Variants in CERKL observed in about 807,000 individuals in gnomAD.
CERKL encodes the protein ceramide kinase-like protein.
CERKL carries 61 observed loss-of-function variants against 63.4 expected under a neutral mutation model. That is an observed-to-expected ratio of 0.96 (90% CI 0.78 to 1.19). The LOEUF (loss-of-function observed/expected upper bound fraction) is 1.19. Among genes scored for constraint, CERKL ranks in the 50% most tolerant of loss-of-function variants. The pLI, the probability that CERKL is intolerant of heterozygous loss-of-function variation, is 0.00. For missense variants in CERKL, 675 were observed against 655.5 expected, an observed-to-expected ratio of 1.03 and a Z score of -0.33; for synonymous variants, 250 against 230.5, an observed-to-expected ratio of 1.08 and a Z score of -0.77.
intron 1 of CERKL, chr2:181,617,331 G>C (rs1484272874): frequency 6.6e-6 from 1 of 152,196 alleles, no homozygotes; most frequent in Non-Finnish European, 1.5e-5. Context: ...AGCTGAACTA[G>C]CTGTTTTTCA....
At chr2:181,634,213 C>T (rs746129269) in intron 1 of CERKL, among the ~76,000 whole-genome samples, 5 of 151,970 alleles carry the variant, frequency 3.3e-5, no homozygotes, top group Admixed American at 1.3e-4. Context: ...TGTAGATTCA[C>T]GTTAAAAAGT....
At chr2:181,653,683 T>A (rs1455062084) in intron 1 of CERKL, among the ~76,000 whole-genome samples, 1 of 152,196 alleles carries the variant, frequency 6.6e-6, no homozygotes, top group Non-Finnish European at 1.5e-5. Context: ...ACATGTAGAA[T>A]CTTTTTCTAT....
At chr2:181,552,791 A>C (rs1056580996) in intron 5 of CERKL, among the ~76,000 whole-genome samples, 1 of 152,200 alleles carries the variant, frequency 6.6e-6, no homozygotes, top group African/African-American at 2.4e-5. Context: ...GTACACAATA[A>C]ATACATACAA....
chr2:181,656,164 C>T (rs191879729), intron 1 of CERKL, among the ~76,000 whole-genome samples: 307 of 152,056 alleles, frequency 2.0e-3, no homozygotes, highest in African/African-American at 7.1e-3. Flanking sequence ...AATCTAGGGT[C>T]AATATTAAAA....
intron 2 of CERKL, among the ~76,000 whole-genome samples, chr2:181,581,371 C>A (rs1684503497): frequency 6.6e-6 from 1 of 152,154 alleles, no homozygotes; most frequent in Non-Finnish European, 1.5e-5. Flanking sequence ...CTTCTTGATT[C>A]ATAGACCCCT....
chr2:181,631,620 T>A (rs1686962132), intron 1 of CERKL, among the ~76,000 whole-genome samples: 1 of 152,126 alleles, frequency 6.6e-6, no homozygotes, highest in African/African-American at 2.4e-5. Flanking sequence ...ATGCTCTCAT[T>A]TAAAGGGTTT....
At position 181,565,495 on chromosome 2, in the gene CERKL, T is replaced by C. The variant is rs934662894; in HGVS notation, c.677+563A>G. ...GTACACTCCAATGTATTGCGAACAATGGTTTCCGATGCCCACTGTGAATAA... is the reference window on the plus strand; with the variant it reads ...GTACACTCCAATGTATTGCGAACAACGGTTTCCGATGCCCACTGTGAATAA... On this transcript the variant is annotated intron_variant, in intron 4 of 12. Coordinates refer to ENST00000410087, the MANE Select transcript of CERKL (RefSeq NM_201548.5). 2.5e-6 allele frequency: 4 copies of C among 1,610,054 alleles called. No homozygotes were observed. In the African/African-American group the frequency reaches 5.3e-5, roughly 22 times the overall value.
chr2:181,556,333 G>T (rs1047211635), intron 5 of CERKL, among the ~76,000 whole-genome samples: 2 of 151,914 alleles, frequency 1.3e-5, no homozygotes, highest in African/African-American at 4.8e-5. Context: ...ATGTTGGTGT[G>T]CTGCACCCAT....
intron 4 of CERKL, among the ~76,000 whole-genome samples, chr2:181,561,904 C>T (rs1688465167): frequency 6.6e-6 from 1 of 152,140 alleles, no homozygotes; most frequent in African/African-American, 2.4e-5. Context: ...ACCTCTCCCT[C>T]CTGGGTTCAA....
intron 4 of CERKL, among the ~76,000 whole-genome samples, chr2:181,560,169 A>C (rs1688377350): frequency 6.6e-6 from 1 of 152,198 alleles, no homozygotes; most frequent in Non-Finnish European, 1.5e-5. Context: ...AAAAATCTCT[A>C]TGAGATTTCT....
intron 2 of CERKL, among the ~76,000 whole-genome samples, chr2:181,578,594 G>A (rs1044831914): frequency 3.3e-5 from 5 of 151,934 alleles, no homozygotes; most frequent in African/African-American, 9.7e-5. Flanking sequence ...CACCATGTTT[G>A]TCCTTGTCTA....
In CERKL at chr2:181,603,952, G is replaced by C; in HGVS notation, c.366C>G (p.Leu122=). The C allele has an allele frequency of 6.2e-7, 1 of 1,613,270 alleles. No individual in the cohort carries two copies. Among genetic ancestry groups the C allele is most frequent in the Non-Finnish European group, 8.5e-7 (1 of 1,179,678 alleles). The change falls in exon 2 of 13, where the codon CTC becomes CTG. Residue 122 remains leucine (L), a synonymous_variant. Transcript: ENST00000410087. The stretch of plus-strand genomic sequence containing the variant: ...TTTGTTCCTTTTTCAAGCAGATGAA[G>C]AGTGTGATACCTAATAAAGTACCAC... ...QRSGTLLGIT[L]FICLKKEQNK...
chr2:181,615,930 A>C (rs1686172895), intron 1 of CERKL, among the ~76,000 whole-genome samples: 1 of 152,204 alleles, frequency 6.6e-6, no homozygotes. Flanking sequence ...CAAGAGTTAC[A>C]ACGAAGTAGG....
chr2:181,633,408 T>A (rs774254330), intron 1 of CERKL, among the ~76,000 whole-genome samples: 9 of 152,336 alleles, frequency 5.9e-5, no homozygotes, highest in Non-Finnish European at 1.2e-4. Flanking sequence ...ATTGTTCTAG[T>A]TATTATCTTA....
chr2:181,588,448 A>G (rs1574475660), intron 2 of CERKL, among the ~76,000 whole-genome samples: 1 of 152,336 alleles, frequency 6.6e-6, no homozygotes, highest in South Asian at 2.1e-4. Flanking sequence ...TCAAAGGCTG[A>G]ATGGTATCCC....
chr2:181,597,219 A>G (rs553812479), intron 2 of CERKL, among the ~76,000 whole-genome samples: 2 of 152,206 alleles, frequency 1.3e-5, no homozygotes, highest in Admixed American at 1.3e-4. Context: ...TTTACATAAT[A>G]CCTATGTTTT....
intron 11 of CERKL, among the ~76,000 whole-genome samples, chr2:181,542,625 C>T (rs977729521): frequency 1.0e-5 from 1 of 96,752 alleles, no homozygotes; most frequent in Admixed American, 1.1e-4. Context: ...TTTTAGAATT[C>T]TTTGCAAAAA....
chr2:181,640,884 G>A (rs905906025), intron 1 of CERKL, among the ~76,000 whole-genome samples: 9 of 152,146 alleles, frequency 5.9e-5, no homozygotes, highest in Admixed American at 5.2e-4. Flanking sequence ...CCCACTCCTA[G>A]GGGAATAGTT....
chr2:181,575,601 T>G (rs1464142198), intron 2 of CERKL, among the ~76,000 whole-genome samples: 1 of 152,128 alleles, frequency 6.6e-6, no homozygotes, highest in African/African-American at 2.4e-5. Flanking sequence ...TGTGCTGTTT[T>G]CACCCCCTAA....
Sources: allele counts gnomAD v4.1 joint callset (sites outside exome capture counted in the v4.1 genomes callset), GRCh38; gene constraint gnomAD v4.1.1; transcripts MANE v1.5; gene names NCBI Gene and HGNC (gene_info 2026-07-23, HGNC 2026-07-21).